The following DIP2B variants were observed in gnomAD, a reference collection of about 807,000 sequenced individuals.
DIP2B encodes the protein disco-interacting protein 2 homolog B.
Under a neutral mutation model 198.0 loss-of-function variants are expected in DIP2B, and 76 were observed. The ratio of observed to expected loss-of-function variants is 0.38; its 90% confidence interval spans 0.32 to 0.46. DIP2B has a LOEUF of 0.46. DIP2B is among the 20% of genes least tolerant of loss of function. The pLI is 0.99. For synonymous variants in DIP2B, 701 were observed against 739.1 expected (o/e 0.95, Z 0.84); for missense variants, 1,559 against 1,978.4 (o/e 0.79, Z 4.02).
At chr12:50,669,872 A>G (rs1351854286) in intron 4 of DIP2B, among the ~76,000 whole-genome samples, 1 of 152,220 alleles carries the variant, frequency 6.6e-6, no homozygotes, top group Non-Finnish European at 1.5e-5. Flanking sequence ...ACCAAAGCAG[A>G]ACATGAACCT....
rs182482042 is a variant in DIP2B, at chr12:50,691,232, T to C, written c.1654+81T>C. ...GAGCACAATGCTCAGTGATTGGACC[T>C]CATTTAATGACCGAATTCAGAGTGA... On this transcript the variant is annotated intron_variant, in intron 13 of 37. Transcript: ENST00000301180. The C allele has an allele frequency of 4.9e-6, 6 of 1,232,582 alleles. No homozygotes were observed. In the African/African-American group the frequency reaches 9.0e-5, roughly 18 times the overall value. The allele number at this position is 1,232,582 out of a possible 1,614,324, so 76.4% of individuals were successfully genotyped here.
intron 2 of DIP2B, among the ~76,000 whole-genome samples, chr12:50,634,052 T>A (rs1237645645): frequency 6.6e-6 from 1 of 152,152 alleles, no homozygotes; most frequent in Admixed American, 6.5e-5. Flanking sequence ...ATACGGCAGA[T>A]TCACACCTCC....
chr12:50,703,440 A>G (rs966188773), intron 19 of DIP2B, among the ~76,000 whole-genome samples: 2 of 152,200 alleles, frequency 1.3e-5, no homozygotes, highest in Non-Finnish European at 2.9e-5. Flanking sequence ...CCTTTTGTAC[A>G]GATGCATAAA....
intron 1 of DIP2B, among the ~76,000 whole-genome samples, chr12:50,541,925 C>G (rs1347187799): frequency 6.6e-6 from 1 of 151,882 alleles, no homozygotes; most frequent in African/African-American, 2.4e-5. Flanking sequence ...TTGCTTGAAC[C>G]CGGGAGGTGG....
At chr12:50,644,617 A>G (rs980622916) in intron 3 of DIP2B, among the ~76,000 whole-genome samples, 2 of 152,190 alleles carry the variant, frequency 1.3e-5, no homozygotes, top group Admixed American at 6.5e-5. Context: ...GTTCTTATCA[A>G]TAAGAGTCTT....
intron 37 of DIP2B, among the ~76,000 whole-genome samples, chr12:50,742,407 A>AAAAAAAAAAC (rs1940264008): frequency 3.5e-5 from 5 of 144,770 alleles, no homozygotes; most frequent in Admixed American, 2.8e-4. Context: ...AAAAAAAAAA[A>AAAAAAAAAAC]AAAAAAAAAA....
At chr12:50,623,705 G>A (rs552759112) in intron 1 of DIP2B, among the ~76,000 whole-genome samples, 3 of 152,040 alleles carry the variant, frequency 2.0e-5, no homozygotes, top group Non-Finnish European at 4.4e-5. Flanking sequence ...CCTTTTACAC[G>A]TAATGTATTA....
intron 2 of DIP2B, among the ~76,000 whole-genome samples, chr12:50,626,780 T>C (rs1312661341): frequency 6.6e-6 from 1 of 151,912 alleles, no homozygotes; most frequent in Non-Finnish European, 1.5e-5. Context: ...ATGGCTTTTT[T>C]TTTTTTTTTT....
intron 1 of DIP2B, among the ~76,000 whole-genome samples, chr12:50,603,907 C>G (rs1472706730): frequency 1.3e-5 from 2 of 152,074 alleles, no homozygotes; most frequent in Non-Finnish European, 2.9e-5. Flanking sequence ...TCAGAAACTG[C>G]TCAAGGATAA....
chr12:50,540,053 G>GTGTTTTTTTT (rs1958306331), intron 1 of DIP2B, among the ~76,000 whole-genome samples: 1 of 44,166 alleles, frequency 2.3e-5, no homozygotes. Context: ...TTGTTTCTGT[G>GTGTTTTTTTT]TTTTTTTTTT....
chr12:50,744,640 C>G lies in DIP2B; in HGVS notation c.4532C>G (p.Ser1511Cys). The G allele has an allele frequency of 6.2e-7, 1 of 1,614,156 alleles. No homozygotes were observed. The highest frequency in any genetic ancestry group is 8.5e-7 in the Non-Finnish European group (1 of 1,180,038). The part of the protein sequence containing the change: ...LLVVVVELCG[S>C]EQEALDLVPL... ...GTGGTGGTTGTGGAACTGTGCGGCT[C>G]TGAACAGGAAGCCCTAGATCTGGTC... is the stretch of plus-strand genomic sequence containing the variant. Residue 1511 changes from serine to cysteine, a missense_variant, in exon 38 of 38, where the codon TCT becomes TGT. By Grantham distance (112) the Ser-to-Cys change is moderately radical. Transcript: ENST00000301180.
chr12:50,704,084 AC>A, intron 19 of DIP2B, 55 bp from the exon 20 acceptor site: 1 of 1,500,528 alleles, frequency 6.7e-7, no homozygotes, highest in Non-Finnish European at 9.2e-7. Context: ...TTTAAAAATC[AC>A]ATATACTTTC....
rs549493743 is a variant in DIP2B at position 50,674,893 on chromosome 12, G to A, written c.796+264G>A. 1.1e-4 allele frequency among the ~76,000 whole-genome samples: 17 copies of A among 152,304 alleles called. No homozygotes were observed. In the Middle Eastern group the frequency reaches 0.01, roughly 91 times the overall value. On this transcript the variant is annotated intron_variant, in intron 6 of 37. Transcript: ENST00000301180. ...AAAAGAATAACAGAGGGCCGGGCACGGTGGCTCACGCCTGTAATCCCAGCA... is the reference window on the plus strand; with the variant it reads ...AAAAGAATAACAGAGGGCCGGGCACAGTGGCTCACGCCTGTAATCCCAGCA...
intron 13 of DIP2B, among the ~76,000 whole-genome samples, chr12:50,692,062 C>T (rs978536946): frequency 2.6e-5 from 4 of 151,442 alleles, no homozygotes; most frequent in Admixed American, 1.3e-4. Context: ...AAGACTCTGT[C>T]TCAAAAAAAT....
At chr12:50,577,725 T>C (rs1318891491) in intron 1 of DIP2B, among the ~76,000 whole-genome samples, 1 of 151,870 alleles carries the variant, frequency 6.6e-6, no homozygotes, top group Admixed American at 6.6e-5. Flanking sequence ...TGGATTCTTA[T>C]AAATGTCTTT....
intron 2 of DIP2B, among the ~76,000 whole-genome samples, chr12:50,638,795 T>A (rs1386216626): frequency 2.6e-5 from 4 of 152,130 alleles, no homozygotes; most frequent in African/African-American, 7.2e-5. Flanking sequence ...TCCCACCTCT[T>A]TTTGATGAGG....
At chr12:50,697,257 GGATGTTAACTAAT>G in intron 17 of DIP2B, 82 bp downstream of exon 17, 13 of 1,200,990 alleles carry the variant, frequency 1.1e-5, no homozygotes, top group Non-Finnish European at 1.5e-5. Flanking sequence ...GATGACCAAC[GGATGTTAACTAAT>G]TTTCTAAGCA....
At chr12:50,629,256 A>G (rs896977349) in intron 2 of DIP2B, among the ~76,000 whole-genome samples, 1 of 152,042 alleles carries the variant, frequency 6.6e-6, no homozygotes, top group Non-Finnish European at 1.5e-5. Context: ...TGTCTGTTAA[A>G]TGTTAGATTT....
At chr12:50,525,425 G>T (rs1958154639) in intron 1 of DIP2B, among the ~76,000 whole-genome samples, 1 of 151,368 alleles carries the variant, frequency 6.6e-6, no homozygotes, top group South Asian at 2.1e-4. Context: ...AAAGAGGGTG[G>T]TCATCATGAG....
Sources: gnomAD v4.1 joint callset for allele counts (sites outside exome capture counted in the v4.1 genomes callset) on GRCh38, gnomAD v4.1.1 for gene constraint, MANE v1.5 for transcripts, NCBI Gene and HGNC (gene_info 2026-07-23, HGNC 2026-07-21) for gene names.